Variants in IFNLR1 observed in about 807,000 individuals in gnomAD.
The protein encoded by IFNLR1 is CRF2-12.
A neutral mutation model predicts 52.5 loss-of-function variants in IFNLR1; 28 were observed. The observed-to-expected ratio is 0.53, with a 90% CI of 0.40 to 0.73. The LOEUF is 0.73. Ranked by LOEUF, IFNLR1 falls within the 30% of genes least tolerant of loss-of-function variation. The pLI is 0.00. For missense variants in IFNLR1, 623 were observed against 659.1 expected, an observed-to-expected ratio of 0.95 and a Z score of 0.60; for synonymous variants, 276 against 274.9, an observed-to-expected ratio of 1.00 and a Z score of -0.04.
At position 24,161,591 on chromosome 1, in the gene IFNLR1, A is replaced by T; in HGVS notation, c.461T>A (p.Leu154Gln). The change falls in exon 4 of 7, where the codon CTG becomes CAG. Residue 154 changes from leucine to glutamine, a missense_variant. Coordinates refer to ENST00000327535, the MANE Select transcript of IFNLR1 (RefSeq NM_170743.4). ...GAATGCCACCTCATACTTCAGATCC[A>T]GTGGGGGCATGCAGGGGGGCAGCTG... ...TYQLPPCMPP[L>Q]DLKYEVAFWK... 1 of 1,555,488 alleles carries T rather than the reference A, an allele frequency of 6.4e-7. No individual in the cohort carries two copies. Among genetic ancestry groups the T allele is most frequent in the Non-Finnish European group, 8.7e-7 (1 of 1,148,432 alleles).
chr1:24,161,787 G>A (rs1322130932), intron 3 of IFNLR1, 103 bp from the exon 4 acceptor site: 1 of 1,171,020 alleles, frequency 8.5e-7, no homozygotes, highest in Non-Finnish European at 1.2e-6. Flanking sequence ...CAACTAGCAT[G>A]TTTCAAACAC....
chr1:24,179,407 G>A (rs1644666107), intron 2 of IFNLR1, among the ~76,000 whole-genome samples: 1 of 152,224 alleles, frequency 6.6e-6, no homozygotes, highest in Admixed American at 6.5e-5. Context: ...GTGAGATTAA[G>A]TTCATTACAT....
Position 24,156,923 on chromosome 1 carries a change from C to G in IFNLR1, c.*207G>C, listed in dbSNP as rs1452073837. On this transcript the variant is annotated 3_prime_UTR_variant, in exon 7 of 7. Coordinates refer to ENST00000327535, the MANE Select transcript of IFNLR1 (RefSeq NM_170743.4). ...CACCCTGTGTCCACCCCTCTTATAG[C>G]TCAGCCTAAAGAGGGCGGGTCACAG... 1 of 599,874 alleles carries G rather than the reference C, an allele frequency of 1.7e-6. No individual in the cohort carries two copies. The highest frequency in any genetic ancestry group is 1.9e-5 in the African/African-American group (1 of 53,874). The allele number at this position is 599,874 out of a possible 1,614,324, so 37.2% of individuals were successfully genotyped here.
At position 24,169,578 on chromosome 1, in the gene IFNLR1, C is replaced by A. The variant is rs374140475; in HGVS notation, c.206G>T (p.Arg69Leu). 4.3e-6 allele frequency: 7 copies of A among 1,613,664 alleles called. No homozygotes were observed. In the African/African-American group the frequency reaches 9.3e-5, roughly 22 times the overall value. The change falls in exon 3 of 7, where the codon CGC becomes CTC. Residue 69 changes from arginine to leucine, a missense_variant. Coordinates refer to ENST00000327535, the MANE Select transcript of IFNLR1 (RefSeq NM_170743.4). ...YQSSPTRRRW[R>L]EVEECAGTKE... ...GGTTCCCGCACACTCTTCCACTTCG[C>A]GCCACCGTCTACGGGTGGGAGAGCT... is the stretch of plus-strand genomic sequence containing the variant.
intron 4 of IFNLR1, 63 bp downstream of exon 4, chr1:24,161,479 G>A (rs1210291354): frequency 2.6e-6 from 4 of 1,543,294 alleles, no homozygotes; most frequent in Non-Finnish European, 3.5e-6. Flanking sequence ...AGGGTGAGAA[G>A]AACCTGAGTA....
rs1569605405 is a variant in IFNLR1 at position 24,154,230 on chromosome 1, G to C, written c.*2900C>G. On this transcript the variant is annotated 3_prime_UTR_variant, in exon 7 of 7. Transcript: ENST00000327535. Reference sequence around the variant, plus strand: ...TTAGGGTAATACCAACAAGCAGTAGGATATCGTTTAAATATGACATAAACA... The same window carrying C: ...TTAGGGTAATACCAACAAGCAGTAGCATATCGTTTAAATATGACATAAACA... 1 of 151,976 alleles carries C rather than the reference G, an allele frequency of 6.6e-6. No individual in the cohort carries two copies. Among genetic ancestry groups the C allele is most frequent in the Non-Finnish European group, 1.5e-5 (1 of 68,002 alleles). 9.4% of individuals were successfully genotyped at this position (151,976 alleles called of 1,614,324 possible). A position where few individuals can be genotyped will look rare whatever the true frequency, so the allele number is the denominator to read the frequency against.
At position 24,156,436 on chromosome 1, in the gene IFNLR1, A is replaced by G; in HGVS notation, c.*694T>C. 1 of 152,704 alleles carries G rather than the reference A, an allele frequency of 6.5e-6. No homozygotes were observed. Among genetic ancestry groups the G allele is most frequent in the Non-Finnish European group, 1.5e-5 (1 of 68,308 alleles). The allele number at this position is 152,704 out of a possible 1,614,324, so 9.5% of individuals were successfully genotyped here. A position where few individuals can be genotyped will look rare whatever the true frequency, so the allele number is the denominator to read the frequency against. ...TAGAACCCTCACCACACCCAGGCGT[A>G]GCTGCAGATGAGGAAGCCGAGGCAG... On this transcript the variant is annotated 3_prime_UTR_variant, in exon 7 of 7. Coordinates refer to ENST00000327535, the MANE Select transcript of IFNLR1 (RefSeq NM_170743.4).
intron 2 of IFNLR1, among the ~76,000 whole-genome samples, chr1:24,174,279 C>T (rs1218802294): frequency 6.6e-6 from 1 of 152,192 alleles, no homozygotes; most frequent in African/African-American, 2.4e-5. Context: ...AAATAAAATT[C>T]TGTTGTTTAC....
chr1:24,185,006 G>A (rs1644723302), intron 1 of IFNLR1, among the ~76,000 whole-genome samples: 1 of 151,972 alleles, frequency 6.6e-6, no homozygotes, highest in Non-Finnish European at 1.5e-5. Context: ...GTGACAGAGT[G>A]AGACTCTGTC....
Position 24,168,176 on chromosome 1 carries a change from C to T in IFNLR1, c.367+1241G>A, listed in dbSNP as rs534735405. The stretch of plus-strand genomic sequence containing the variant: ...TCCATTGCTTCCTCCTCCATCCCCT[C>T]CATCCTCCCTTTCTTCTTACCCATC... On this transcript the variant is annotated intron_variant, in intron 3 of 6. Transcript: ENST00000327535. 2.0e-4 allele frequency among the ~76,000 whole-genome samples: 31 copies of T among 152,178 alleles called. No homozygotes were observed. The South Asian group carries it at 6.0e-3, about 30-fold the overall frequency.
intron 3 of IFNLR1, among the ~76,000 whole-genome samples, chr1:24,164,813 A>C (rs2148591590): frequency 6.9e-6 from 1 of 144,510 alleles, no homozygotes; most frequent in South Asian, 2.2e-4. Context: ...CCCAGGCTGG[A>C]GTGCAGTGGC....
chr1:24,159,310 G>T, intron 5 of IFNLR1, 128 bp from the exon 6 acceptor site: 2 of 1,337,446 alleles, frequency 1.5e-6, no homozygotes, highest in Non-Finnish European at 2.1e-6. Flanking sequence ...TGCAGACTGT[G>T]CAAACCAAGG....
Position 24,162,881 on chromosome 1 carries a change from TTCC to T in IFNLR1, c.368-1200_368-1198del, listed in dbSNP as rs1557644385. Among the ~76,000 whole-genome samples, 106 of 64,298 alleles carry T rather than the reference TTCC, an allele frequency of 1.6e-3. 2 individuals carry two copies. Among genetic ancestry groups the T allele is most frequent in the East Asian group, 9.2e-3 (12 of 1,300 alleles). The allele number at this position is 64,298 out of a possible 152,430, so 42.2% of individuals were successfully genotyped here. Reference sequence around the variant, plus strand: ...TTTCTTTCTTTCTTTCTTTCTTTCCTTCCTTCCTTCCTTCCTTCCTTCCTTCCT... The same window carrying T: ...TTTCTTTCTTTCTTTCTTTCTTTCCTTTCCTTCCTTCCTTCCTTCCTTCCT... On this transcript the variant is annotated intron_variant, in intron 3 of 6. Coordinates refer to ENST00000327535, the MANE Select transcript of IFNLR1 (RefSeq NM_170743.4).
At chr1:24,168,721 T>C (rs2148594545) in intron 3 of IFNLR1, among the ~76,000 whole-genome samples, 1 of 152,168 alleles carries the variant, frequency 6.6e-6, no homozygotes, top group African/African-American at 2.4e-5. Flanking sequence ...AAAATACTTT[T>C]GCAAACAGAA....
chr1:24,161,007 A>G (rs1363784973), intron 4 of IFNLR1, among the ~76,000 whole-genome samples: 1 of 152,002 alleles, frequency 6.6e-6, no homozygotes, highest in African/African-American at 2.4e-5. Context: ...GATTACAGGC[A>G]TGAGCCACCG....
chr1:24,162,804 T>C (rs1436122137), intron 3 of IFNLR1, among the ~76,000 whole-genome samples: 1,075 of 67,794 alleles, frequency 0.016, 123 homozygotes, highest in East Asian at 0.03. Context: ...TTCTTTCTTT[T>C]TTCTTTCTTT....
rs1644393567 is a variant in IFNLR1, at chr1:24,157,466, C to T, written c.1227G>A (p.Glu409=). The part of the protein sequence containing the change: ...DRAGSSGYLA[E]KGPGQGPGGD... ...CACCCGGCCCTTGGCCTGGCCCCTT[C>T]TCAGCCAAATAGCCAGAGGACCCAG... The change falls in exon 7 of 7, where the codon GAG becomes GAA. Residue 409 remains glutamate (E), a synonymous_variant. Transcript: ENST00000327535. This position sits in a 1 kb window ranked among gnomAD's most constrained non-coding sequence, Gnocchi z 5.1. The T allele has an allele frequency of 1.2e-6, 2 of 1,613,764 alleles. No homozygotes were observed. The highest frequency in any genetic ancestry group is 2.2e-5 in the South Asian group (2 of 91,048).
rs1557644397 is a variant in IFNLR1 at position 24,162,881 on chromosome 1, TTCCTTCCTTCC to T, written c.368-1208_368-1198del. ...TTTCTTTCTTTCTTTCTTTCTTTCCTTCCTTCCTTCCTTCCTTCCTTCCTTCCTTCCTTCCT... is the reference window on the plus strand; with the variant it reads ...TTTCTTTCTTTCTTTCTTTCTTTCCTTTCCTTCCTTCCTTCCTTCCTTCCT... On this transcript the variant is annotated intron_variant, in intron 3 of 6. Coordinates refer to ENST00000327535, the MANE Select transcript of IFNLR1 (RefSeq NM_170743.4). Among the ~76,000 whole-genome samples, 400 of 64,272 alleles carry T rather than the reference TTCCTTCCTTCC, an allele frequency of 6.2e-3. 9 individuals carry two copies. Among genetic ancestry groups the T allele is most frequent in the East Asian group, 0.049 (63 of 1,296 alleles). The allele number at this position is 64,272 out of a possible 152,430, so 42.2% of individuals were successfully genotyped here. A position where few individuals can be genotyped will look rare whatever the true frequency, so the allele number is the denominator to read the frequency against.
intron 1 of IFNLR1, among the ~76,000 whole-genome samples, chr1:24,184,936 T>C (rs771546483): frequency 2.0e-5 from 3 of 152,124 alleles, no homozygotes; most frequent in Admixed American, 1.3e-4. Context: ...CGAGAATTGC[T>C]TGAACCCGAT....
Sources: gnomAD v4.1 joint callset for allele counts (sites outside exome capture counted in the v4.1 genomes callset) on GRCh38, gnomAD v4.1.1 for gene constraint, Gnocchi (gnomAD v3.1) non-coding constraint, MANE v1.5 for transcripts, NCBI Gene and HGNC (gene_info 2026-07-23, HGNC 2026-07-21) for gene names.